OPRD1: variants seen among roughly 807,000 people sequenced by gnomAD.
OPRD1 encodes the protein opioid receptor delta 1, also known as delta-type opioid receptor.
Under a neutral mutation model 17.5 loss-of-function variants are expected in OPRD1, and 19 were observed. That is an observed-to-expected ratio of 1.09 (90% CI 0.76 to 1.60). The LOEUF (loss-of-function observed/expected upper bound fraction) is 1.60, where lower values mean the gene tolerates loss of function less well. Ranked by LOEUF, OPRD1 falls within the 40% of genes most tolerant of loss-of-function variation. The pLI, the probability that OPRD1 is intolerant of heterozygous loss-of-function variation, is 0.00. For missense variants in OPRD1, 483 were observed against 547.2 expected (o/e 0.88, Z 1.17); for synonymous variants, 256 against 240.9 (o/e 1.06, Z -0.58).
chr1:28,843,469 C>T (rs1024790982), intron 1 of OPRD1, among the ~76,000 whole-genome samples: 2 of 152,122 alleles, frequency 1.3e-5, no homozygotes, highest in African/African-American at 4.8e-5. Flanking sequence ...CCTCGTAACC[C>T]CAGGGCTTCT....
intron 1 of OPRD1, among the ~76,000 whole-genome samples, chr1:28,838,470 A>T (rs1161827970): frequency 6.6e-6 from 1 of 152,094 alleles, no homozygotes; most frequent in Non-Finnish European, 1.5e-5. Context: ...AAAGTGAGAG[A>T]GGAGGTTTGA....
chr1:28,825,944 C>G (rs1471733141), intron 1 of OPRD1, among the ~76,000 whole-genome samples: 1 of 152,174 alleles, frequency 6.6e-6, no homozygotes, highest in Non-Finnish European at 1.5e-5. Context: ...CCTGAAGTAC[C>G]AGGCACAGTT....
chr1:28,868,441 A>G lies in OPRD1; in HGVS notation c.*5158A>G, dbSNP rs894208734. On this transcript the variant is annotated 3_prime_UTR_variant, in exon 3 of 3. Transcript: ENST00000234961. ...GAGATATGGTAAGCAAAGTGCCACCAAAGTGCCTGGCACATAGTGGGGCCT... is the reference window on the plus strand; with the variant it reads ...GAGATATGGTAAGCAAAGTGCCACCGAAGTGCCTGGCACATAGTGGGGCCT... 14 of 152,250 alleles carry G rather than the reference A, an allele frequency of 9.2e-5. No homozygotes were observed. Among genetic ancestry groups the G allele is most frequent in the African/African-American group, 3.1e-4 (13 of 41,468 alleles). The allele number at this position is 152,250 out of a possible 1,614,324, so 9.4% of individuals were successfully genotyped here. A position where few individuals can be genotyped will look rare whatever the true frequency, so the allele number is the denominator to read the frequency against.
chr1:28,852,711 ATTTATTT>A (rs551930207), intron 1 of OPRD1, among the ~76,000 whole-genome samples: 185 of 151,724 alleles, frequency 1.2e-3, no homozygotes, highest in African/African-American at 4.0e-3. Flanking sequence ...TTTTCTTTTT[ATTTATTT>A]TTTATTTTTT....
At chr1:28,858,479 TGTC>T in intron 1 of OPRD1, among the ~76,000 whole-genome samples, 1 of 151,862 alleles carries the variant, frequency 6.6e-6, no homozygotes, top group Non-Finnish European at 1.5e-5. Context: ...TTGCTTCTGT[TGTC>T]GGGGAAAGGA....
At chr1:28,825,436 A>G (rs2088759122) in intron 1 of OPRD1, among the ~76,000 whole-genome samples, 1 of 151,982 alleles carries the variant, frequency 6.6e-6, no homozygotes, top group Non-Finnish European at 1.5e-5. Flanking sequence ...CCCAGGCTGG[A>G]ATACAGTGGC....
At chr1:28,860,234 G>C (rs941680149) in intron 2 of OPRD1, among the ~76,000 whole-genome samples, 2 of 152,048 alleles carry the variant, frequency 1.3e-5, no homozygotes, top group Non-Finnish European at 2.9e-5. Context: ...GCGTGGTGGT[G>C]GGCGTCTGTA....
intron 1 of OPRD1, among the ~76,000 whole-genome samples, chr1:28,832,688 T>C (rs2088818933): frequency 6.6e-6 from 1 of 152,144 alleles, no homozygotes; most frequent in Admixed American, 6.5e-5. Context: ...AATGCCTGGC[T>C]TTGCATCTCA....
intron 1 of OPRD1, among the ~76,000 whole-genome samples, chr1:28,818,641 G>A (rs553628131): frequency 7.9e-5 from 12 of 152,202 alleles, no homozygotes; most frequent in African/African-American, 2.4e-5. Flanking sequence ...GAAAGGCGTC[G>A]TAAGCAGGTG....
intron 1 of OPRD1, among the ~76,000 whole-genome samples, chr1:28,854,876 TCCTGA>T (rs2089041115): frequency 6.6e-6 from 1 of 151,844 alleles, no homozygotes; most frequent in Non-Finnish European, 1.5e-5. Context: ...GGTCTCGAAC[TCCTGA>T]CCTCGTGATC....
rs941038738 is a variant in OPRD1, at chr1:28,871,099, G to A, written c.*7816G>A. On this transcript the variant is annotated 3_prime_UTR_variant, in exon 3 of 3. Coordinates refer to ENST00000234961, the MANE Select transcript of OPRD1 (RefSeq NM_000911.4). ...CCAGAGACAGGGAAAAGAATGCCTGGGGGTCTGTAATAGGAGCTGCCCCAA... is the reference window on the plus strand; with the variant it reads ...CCAGAGACAGGGAAAAGAATGCCTGAGGGTCTGTAATAGGAGCTGCCCCAA... 6.6e-6 allele frequency: 1 copy of A among 152,200 alleles called. No individual in the cohort carries two copies. The highest frequency in any genetic ancestry group is 1.5e-5 in the Non-Finnish European group (1 of 68,040). The allele number at this position is 152,200 out of a possible 1,614,324, so 9.4% of individuals were successfully genotyped here.
At chr1:28,818,636 G>GCGT (rs1021974574) in intron 1 of OPRD1, among the ~76,000 whole-genome samples, 12 of 152,212 alleles carry the variant, frequency 7.9e-5, no homozygotes, top group Non-Finnish European at 1.8e-4. Context: ...AGCAGGAAAG[G>GCGT]CGTCGTAAGC....
chr1:28,851,802 C>T (rs1255242546), intron 1 of OPRD1, among the ~76,000 whole-genome samples: 8 of 135,946 alleles, frequency 5.9e-5, no homozygotes, highest in Admixed American at 1.7e-4. Flanking sequence ...ACCGGGGAGG[C>T]GGAGGTTGCG....
At chr1:28,815,149 T>A (rs2088662972) in intron 1 of OPRD1, among the ~76,000 whole-genome samples, 3 of 152,074 alleles carry the variant, frequency 2.0e-5, no homozygotes, top group Admixed American at 2.0e-4. Flanking sequence ...ACAAGATTTC[T>A]CTCTGTTGCC....
chr1:28,831,937 T>G (rs191470647), intron 1 of OPRD1, among the ~76,000 whole-genome samples: 38 of 152,246 alleles, frequency 2.5e-4, no homozygotes, highest in Admixed American at 2.1e-3. Context: ...GCTCTATGAG[T>G]TTAGTACCAT....
At chr1:28,862,197 G>A (rs962655270) in intron 2 of OPRD1, among the ~76,000 whole-genome samples, 5 of 151,956 alleles carry the variant, frequency 3.3e-5, no homozygotes, top group African/African-American at 1.2e-4. Context: ...GATTACAGGC[G>A]TGAACTACCG....
intron 1 of OPRD1, among the ~76,000 whole-genome samples, chr1:28,829,066 A>G (rs1347591786): frequency 6.6e-6 from 1 of 151,524 alleles, no homozygotes; most frequent in Non-Finnish European, 1.5e-5. Context: ...ACTTCTCTCT[A>G]GGAATGAGAG....
At chr1:28,855,560 AGG>A (rs1400491975) in intron 1 of OPRD1, among the ~76,000 whole-genome samples, 2 of 149,594 alleles carry the variant, frequency 1.3e-5, no homozygotes, top group Admixed American at 1.3e-4. Context: ...GAGGGGAGAG[AGG>A]GGGGCCGTGA....
At position 28,867,844 on chromosome 1, in the gene OPRD1, G is replaced by A. The variant is rs923935025; in HGVS notation, c.*4561G>A. 6.6e-6 allele frequency: 1 copy of A among 152,374 alleles called. No homozygotes were observed. The highest frequency in any genetic ancestry group is 1.5e-5 in the Non-Finnish European group (1 of 68,138). The allele number at this position is 152,374 out of a possible 1,614,324, so 9.4% of individuals were successfully genotyped here. ...GGTAAGTGGCAGTCACTGCTTACAAGTGGAGCCAGGGTTCAGGGTCAGAGC... is the reference window on the plus strand; with the variant it reads ...GGTAAGTGGCAGTCACTGCTTACAAATGGAGCCAGGGTTCAGGGTCAGAGC... On this transcript the variant is annotated 3_prime_UTR_variant, in exon 3 of 3. Coordinates refer to ENST00000234961, the MANE Select transcript of OPRD1 (RefSeq NM_000911.4).
Sources: gnomAD v4.1 joint callset for allele counts (sites outside exome capture counted in the v4.1 genomes callset) on GRCh38, gnomAD v4.1.1 for gene constraint, MANE v1.5 for transcripts, NCBI Gene and HGNC (gene_info 2026-07-23, HGNC 2026-07-21) for gene names.